GALNT13: variants seen among roughly 807,000 people sequenced by gnomAD.
The protein encoded by GALNT13 is polypeptide N-acetylgalactosaminyltransferase 13, also known as UDP-GalNAc:polypeptide N-acetylgalactosaminyltransferase 13.
In GALNT13, 28 loss-of-function variants were observed where a neutral mutation model predicts 64.2. That is an observed-to-expected ratio of 0.44 (90% CI 0.32 to 0.60). The LOEUF (loss-of-function observed/expected upper bound fraction) is 0.60, where lower values mean the gene tolerates loss of function less well. Among genes scored for constraint, GALNT13 ranks in the 20% least tolerant of loss-of-function variants. GALNT13 has a pLI of 0.05. For missense variants in GALNT13, 577 were observed against 669.8 expected (o/e 0.86, Z 1.53); for synonymous variants, 214 against 224.6 (o/e 0.95, Z 0.42).
At chr2:154,438,344 A>G (rs577198876) in intron 11 of GALNT13, among the ~76,000 whole-genome samples, 2 of 152,272 alleles carry the variant, frequency 1.3e-5, no homozygotes, top group African/African-American at 4.8e-5. Flanking sequence ...CCAGCAAATA[A>G]TGGGTATTTA....
intron 9 of GALNT13, among the ~76,000 whole-genome samples, chr2:154,310,115 A>C (rs1693952230): frequency 6.6e-6 from 1 of 152,194 alleles, no homozygotes. Flanking sequence ...TTAAAGTACC[A>C]TAATCATCCA....
the GALNT13 span, among the ~76,000 whole-genome samples, chr2:153,074,488 T>A: frequency 2.6e-5 from 4 of 152,158 alleles, no homozygotes; most frequent in Non-Finnish European, 4.4e-5. Flanking sequence ...AGAGTATACT[T>A]ATGCGAACCT....
the GALNT13 span, among the ~76,000 whole-genome samples, chr2:153,756,826 A>G: frequency 1.3e-5 from 2 of 152,048 alleles, no homozygotes; most frequent in Non-Finnish European, 2.9e-5. Context: ...AATGTAAACT[A>G]TCTGCTCCAG....
At chr2:153,996,623 G>A (rs1354699061) in intron 3 of GALNT13, among the ~76,000 whole-genome samples, 1 of 151,928 alleles carries the variant, frequency 6.6e-6, no homozygotes, top group Non-Finnish European at 1.5e-5. Flanking sequence ...TCATTATGTA[G>A]GCTGTAACTT....
the GALNT13 span, among the ~76,000 whole-genome samples, chr2:153,417,739 T>G: frequency 2.6e-5 from 4 of 152,126 alleles, no homozygotes; most frequent in Non-Finnish European, 5.9e-5. Context: ...TATATTAAAT[T>G]TGAGATGTCC....
intron 4 of GALNT13, among the ~76,000 whole-genome samples, chr2:154,216,520 T>C (rs1559030347): frequency 6.6e-6 from 1 of 152,136 alleles, no homozygotes. Context: ...ATTATGAATG[T>C]GAAATGTACA....
chr2:153,220,950 C>T, the GALNT13 span, among the ~76,000 whole-genome samples: 2 of 152,056 alleles, frequency 1.3e-5, no homozygotes, highest in African/African-American at 4.8e-5. Flanking sequence ...TACATGGACA[C>T]ATAGAGGGAA....
chr2:154,354,803 A>T (rs1050246187), intron 9 of GALNT13, among the ~76,000 whole-genome samples: 1 of 151,990 alleles, frequency 6.6e-6, no homozygotes, highest in Non-Finnish European at 1.5e-5. Context: ...CAGACATCAT[A>T]CTTCGTGATT....
At chr2:153,541,881 ATATGAAACTATGATCAAATACATTTC>A in the GALNT13 span, among the ~76,000 whole-genome samples, 2 of 152,228 alleles carry the variant, frequency 1.3e-5, no homozygotes, top group African/African-American at 2.4e-5. Flanking sequence ...CTCTTGTGTT[ATATGAAACTATGATCAAATACATTTC>A]TATGCCTTTT....
intron 9 of GALNT13, among the ~76,000 whole-genome samples, chr2:154,337,685 G>C (rs1476934371): frequency 6.6e-6 from 1 of 151,750 alleles, no homozygotes; most frequent in Non-Finnish European, 1.5e-5. Flanking sequence ...TTTTCCATAG[G>C]CCATATACAG....
intron 3 of GALNT13, among the ~76,000 whole-genome samples, chr2:154,113,806 G>A (rs192383649): frequency 6.6e-6 from 1 of 152,346 alleles, no homozygotes; most frequent in Admixed American, 6.5e-5. Flanking sequence ...CCCTGAGGTA[G>A]GACAGTAAAG....
the GALNT13 span, among the ~76,000 whole-genome samples, chr2:153,510,543 C>G: frequency 6.6e-6 from 1 of 152,196 alleles, no homozygotes; most frequent in Middle Eastern, 3.4e-3. Context: ...TTTATGCAGA[C>G]ACACCAACGT....
chr2:153,255,843 G>A, the GALNT13 span, among the ~76,000 whole-genome samples: 6 of 152,220 alleles, frequency 3.9e-5, no homozygotes, highest in Non-Finnish European at 7.3e-5. Flanking sequence ...TCAGCTGTTA[G>A]TCTGATGGGC....
chr2:153,694,161 C>A, the GALNT13 span, among the ~76,000 whole-genome samples: 1 of 152,088 alleles, frequency 6.6e-6, no homozygotes, highest in African/African-American at 2.4e-5. Flanking sequence ...TGTTTGGGAA[C>A]AAATGGAAGG....
the GALNT13 span, among the ~76,000 whole-genome samples, chr2:153,137,941 C>G: frequency 1.3e-5 from 2 of 151,974 alleles, no homozygotes; most frequent in Non-Finnish European, 2.9e-5. Context: ...CTCCTTGATT[C>G]CAATGCGTAC....
At chr2:153,132,526 G>A in the GALNT13 span, among the ~76,000 whole-genome samples, 1 of 152,142 alleles carries the variant, frequency 6.6e-6, no homozygotes, top group Admixed American at 6.6e-5. Context: ...GAGATAGTGG[G>A]AGAGAAAATG....
the GALNT13 span, among the ~76,000 whole-genome samples, chr2:153,077,198 T>C: frequency 0.85 from 129,239 of 152,114 alleles, 55,717 homozygotes; most frequent in East Asian, 0.96. Context: ...GTGATCCACC[T>C]ACCTCAGCCT....
the GALNT13 span, among the ~76,000 whole-genome samples, chr2:153,119,595 A>G: frequency 6.6e-6 from 1 of 152,228 alleles, no homozygotes; most frequent in African/African-American, 2.4e-5. Context: ...AATGTGTTTC[A>G]GCTGACTCCT....
chr2:154,371,597 T>C (rs948495855), intron 9 of GALNT13, among the ~76,000 whole-genome samples: 1 of 151,982 alleles, frequency 6.6e-6, no homozygotes, highest in Non-Finnish European at 1.5e-5. Context: ...GGAAATTTCT[T>C]GAGGAGGGCA....
Sources: allele counts gnomAD v4.1 joint callset (sites outside exome capture counted in the v4.1 genomes callset), GRCh38; gene constraint gnomAD v4.1.1; transcripts MANE v1.5; gene names NCBI Gene and HGNC (gene_info 2026-07-23, HGNC 2026-07-21).